PAX5: variants seen among roughly 807,000 people sequenced by gnomAD.
PAX5 encodes the protein paired box 5.
A neutral mutation model predicts 43.7 loss-of-function variants in PAX5; 9 were observed. The ratio of observed to expected loss-of-function variants is 0.21; its 90% CI spans 0.12 to 0.36. PAX5 has a LOEUF of 0.36. Among genes scored for constraint, PAX5 ranks in the 10% least tolerant of loss-of-function variants. The pLI is 1.00. For missense variants in PAX5, 383 were observed against 532.7 expected, an observed-to-expected ratio of 0.72 and a Z score of 2.77; for synonymous variants, 228 against 214.3, an observed-to-expected ratio of 1.06 and a Z score of -0.56.
At chr9:36,924,852 AGG>A (rs1491421801) in intron 6 of PAX5, among the ~76,000 whole-genome samples, 16 of 146,866 alleles carry the variant, frequency 1.1e-4, no homozygotes, top group African/African-American at 1.8e-4. Context: ...GGAGGGAGGG[AGG>A]AGGGAATTTG....
chr9:36,926,484 A>C (rs1012971254), intron 6 of PAX5, among the ~76,000 whole-genome samples: 1 of 152,240 alleles, frequency 6.6e-6, no homozygotes, highest in African/African-American at 2.4e-5. Context: ...AGCTATTGGA[A>C]AAAGGTTGCT....
chr9:37,027,799 C>A (rs998282928), intron 1 of PAX5, among the ~76,000 whole-genome samples: 17 of 152,378 alleles, frequency 1.1e-4, no homozygotes, highest in African/African-American at 3.8e-4. Context: ...TGGCGTCAGC[C>A]GGCCCTGGCC....
At chr9:36,930,840 C>A (rs546012365) in intron 6 of PAX5, 1 of 1,305,734 alleles carries the variant, frequency 7.7e-7, no homozygotes, top group Non-Finnish European at 1.0e-6. Flanking sequence ...GAGGCACGTG[C>A]CCCAGGAGAG....
At chr9:36,975,049 G>A (rs1049021717) in intron 5 of PAX5, among the ~76,000 whole-genome samples, 13 of 152,242 alleles carry the variant, frequency 8.5e-5, no homozygotes, top group African/African-American at 3.1e-4. Context: ...CAAATCCAAA[G>A]GCTGAATTCA....
At chr9:36,879,397 G>A (rs1826202527) in intron 8 of PAX5, among the ~76,000 whole-genome samples, 1 of 152,254 alleles carries the variant, frequency 6.6e-6, no homozygotes, top group Admixed American at 6.5e-5. Context: ...GGGGGGCTGA[G>A]AGGACCGGCT....
intron 5 of PAX5, among the ~76,000 whole-genome samples, chr9:36,998,306 G>A (rs1459344692): frequency 2.0e-5 from 3 of 152,202 alleles, no homozygotes; most frequent in Non-Finnish European, 4.4e-5. Context: ...TATACTGAAA[G>A]GGCCCTTCGC....
At chr9:36,923,164 T>A in intron 7 of PAX5, 191 bp downstream of exon 7, 1 of 594,886 alleles carries the variant, frequency 1.7e-6, no homozygotes. Context: ...TTTGTTGGAA[T>A]CATATCCAGC....
chr9:37,033,144 C>CA (rs1408786824), intron 1 of PAX5, among the ~76,000 whole-genome samples: 1 of 152,258 alleles, frequency 6.6e-6, no homozygotes, highest in Non-Finnish European at 1.5e-5. Context: ...GTGCCTGCCA[C>CA]AGGAGACCTG....
intron 8 of PAX5, among the ~76,000 whole-genome samples, chr9:36,867,465 A>T (rs1010881706): frequency 1.3e-5 from 2 of 152,138 alleles, no homozygotes; most frequent in Non-Finnish European, 2.9e-5. Context: ...TCACCTCTGT[A>T]AAAGGGGCTA....
chr9:36,874,017 G>A (rs1408982591), intron 8 of PAX5, among the ~76,000 whole-genome samples: 1 of 152,172 alleles, frequency 6.6e-6, no homozygotes, highest in Non-Finnish European at 1.5e-5. Context: ...CCACCCCTAA[G>A]CCTGCATGCT....
intron 3 of PAX5, among the ~76,000 whole-genome samples, chr9:37,009,866 C>T (rs1256305749): frequency 6.6e-6 from 1 of 152,084 alleles, no homozygotes; most frequent in African/African-American, 2.4e-5. Context: ...GCACAAGTGG[C>T]CCCCTTGGAA....
intron 7 of PAX5, among the ~76,000 whole-genome samples, chr9:36,902,619 C>A (rs753583521): frequency 6.6e-6 from 1 of 152,158 alleles, no homozygotes; most frequent in Non-Finnish European, 1.5e-5. Context: ...CTGCAGGATC[C>A]GAGTGGGGAG....
intron 7 of PAX5, among the ~76,000 whole-genome samples, chr9:36,902,717 C>T (rs1270536354): frequency 1.3e-5 from 2 of 152,236 alleles, no homozygotes; most frequent in Admixed American, 1.3e-4. Context: ...CTCATTAGCA[C>T]AAGACGGATT....
At chr9:37,003,294 C>T (rs915645969) in intron 4 of PAX5, among the ~76,000 whole-genome samples, 1 of 152,042 alleles carries the variant, frequency 6.6e-6, no homozygotes, top group African/African-American at 2.4e-5. Flanking sequence ...AACTCCAAAC[C>T]GCAGAGTGCC....
rs544829242 is a variant in PAX5, at chr9:36,835,073, T to C, written c.*5487A>G. 1.0e-4 allele frequency: 24 copies of C among 233,372 alleles called. No homozygotes were observed. The East Asian group carries it at 1.4e-3, about 14-fold the overall frequency. 14.5% of individuals were successfully genotyped at this position (233,372 alleles called of 1,614,324 possible). On this transcript the variant is annotated 3_prime_UTR_variant, in exon 10 of 10. Coordinates refer to ENST00000358127, the MANE Select transcript of PAX5 (RefSeq NM_016734.3). Reference sequence around the variant, plus strand: ...TACCTGAGACGACTCCTTTGAGGCTTTGCTGATTGTCCCTCAGTAGATATT... The same window carrying C: ...TACCTGAGACGACTCCTTTGAGGCTCTGCTGATTGTCCCTCAGTAGATATT...
chr9:36,937,591 G>C (rs1831668178), intron 6 of PAX5, among the ~76,000 whole-genome samples: 1 of 152,160 alleles, frequency 6.6e-6, no homozygotes, highest in African/African-American at 2.4e-5. Context: ...TCCTGTGTTT[G>C]GTGACCTCTT....
intron 6 of PAX5, among the ~76,000 whole-genome samples, chr9:36,940,051 T>A (rs1286943979): frequency 6.6e-6 from 1 of 152,212 alleles, no homozygotes; most frequent in Non-Finnish European, 1.5e-5. Context: ...GGGGCTTAAT[T>A]TATTGCCCGG....
intron 7 of PAX5, among the ~76,000 whole-genome samples, chr9:36,921,454 G>A (rs956368910): frequency 1.3e-5 from 2 of 152,164 alleles, no homozygotes; most frequent in African/African-American, 2.4e-5. Context: ...GCTGATCTGT[G>A]TGGCAGCATG....
intron 5 of PAX5, among the ~76,000 whole-genome samples, chr9:36,987,211 C>T (rs985862638): frequency 5.3e-5 from 8 of 152,186 alleles, no homozygotes; most frequent in Admixed American, 1.3e-4. Context: ...AAACGGAAAA[C>T]GGCCCAGCCT....
Sources: allele counts gnomAD v4.1 joint callset (sites outside exome capture counted in the v4.1 genomes callset), GRCh38; gene constraint gnomAD v4.1.1; transcripts MANE v1.5; gene names NCBI Gene and HGNC (gene_info 2026-07-23, HGNC 2026-07-21).